Variants in PGM3 observed in about 807,000 individuals in gnomAD.
PGM3 encodes the protein phosphoglucomutase 3.
Under a neutral mutation model 66.2 loss-of-function variants are expected in PGM3, and 40 were observed. That is an observed-to-expected ratio of 0.60 (90% CI 0.47 to 0.79). The LOEUF is 0.79. PGM3 is among the 30% of genes least tolerant of loss of function. The pLI is 0.00. For missense variants in PGM3, 537 were observed against 643.4 expected, an observed-to-expected ratio of 0.83 and a Z score of 1.79; for synonymous variants, 191 against 224.2, an observed-to-expected ratio of 0.85 and a Z score of 1.32.
At chr6:83,186,488 T>C (rs1001466105) in intron 4 of PGM3, among the ~76,000 whole-genome samples, 4 of 152,162 alleles carry the variant, frequency 2.6e-5, no homozygotes, top group Non-Finnish European at 5.9e-5. Context: ...CCTCAAAACA[T>C]GGTGGAGGCA....
intron 5 of PGM3, 146 bp downstream of exon 5, chr6:83,182,699 T>C (rs949703722): frequency 5.7e-6 from 4 of 701,152 alleles, no homozygotes; most frequent in Non-Finnish European, 7.2e-6. Flanking sequence ...CAGAACCTTG[T>C]GTAGCCCTAG....
downstream of PGM3, among the ~76,000 whole-genome samples, chr6:83,158,880 GC>G (rs1411211769): frequency 1.3e-5 from 2 of 152,170 alleles, no homozygotes; most frequent in African/African-American, 4.8e-5. Context: ...AGCTACATGA[GC>G]TAGGCTGGTT....
downstream of PGM3, among the ~76,000 whole-genome samples, chr6:83,157,494 A>C (rs191436844): frequency 3.9e-5 from 6 of 152,326 alleles, no homozygotes; most frequent in East Asian, 1.2e-3. Context: ...ATTTCCATAC[A>C]GCTTAAATTT....
chr6:83,183,557 G>A (rs1161322675), intron 4 of PGM3, among the ~76,000 whole-genome samples: 8 of 152,222 alleles, frequency 5.3e-5, no homozygotes, highest in Admixed American at 4.6e-4. Context: ...TTCAGTCCGA[G>A]GATGAGTCAG....
chr6:83,168,041 C>T lies in PGM3; in HGVS notation c.*1193G>A, dbSNP rs758448523. The T allele has an allele frequency of 1.9e-6, 3 of 1,614,078 alleles. No homozygotes were observed. The highest frequency in any genetic ancestry group is 2.7e-5 in the African/African-American group (2 of 74,930). On this transcript the variant is annotated 3_prime_UTR_variant, in exon 13 of 13. Transcript: ENST00000513973. ...GAGGACACTCAGGGAGTCCTATCCT[C>T]TACTCAAATGCCTTCCCTAATAAGG...
intron 11 of PGM3, chr6:83,170,962 C>T (rs1786966900): frequency 6.5e-6 from 1 of 154,562 alleles, no homozygotes; most frequent in African/African-American, 2.4e-5. Context: ...TGAATTCTCT[C>T]CCTCAGGAAG....
intron 7 of PGM3, among the ~76,000 whole-genome samples, chr6:83,179,415 T>C (rs1216440985): frequency 3.9e-5 from 6 of 152,218 alleles, no homozygotes; most frequent in Admixed American, 3.9e-4. Context: ...GAGATTTATT[T>C]CTAAAATAGC....
chr6:83,176,313 G>T (rs537244626), intron 8 of PGM3, among the ~76,000 whole-genome samples: 3 of 152,192 alleles, frequency 2.0e-5, no homozygotes, highest in Admixed American at 6.5e-5. Context: ...GATTACAAGT[G>T]GGGGCGTGAC....
Position 83,166,021 on chromosome 6 carries a change from C to T in PGM3, c.*3213G>A, listed in dbSNP as rs1785429827. ...GCTTTGGAGCTTCTTTCAGTCCAGC[C>T]ACTGAGCTGGTCATCGCCAGTTGTC... On this transcript the variant is annotated 3_prime_UTR_variant, in exon 13 of 13. Transcript: ENST00000513973. 3.4e-6 allele frequency: 1 copy of T among 293,796 alleles called. No individual in the cohort carries two copies. The highest frequency in any genetic ancestry group is 4.2e-5 in the Admixed American group (1 of 23,638). 18.2% of individuals were successfully genotyped at this position (293,796 alleles called of 1,614,324 possible). A position where few individuals can be genotyped will look rare whatever the true frequency, so the allele number is the denominator to read the frequency against.
chr6:83,152,123 C>T, the PGM3 span: 1 of 1,413,526 alleles, frequency 7.1e-7, no homozygotes, highest in South Asian at 1.3e-5. Context: ...ACAAATTTAT[C>T]CCTTTTCTCA....
intron 3 of PGM3, among the ~76,000 whole-genome samples, chr6:83,187,542 A>T (rs1285687341): frequency 1.3e-5 from 2 of 152,244 alleles, no homozygotes. Flanking sequence ...GGCCAGGCAC[A>T]GTGGCTCACA....
At chr6:83,176,706 G>GA (rs1389211001) in intron 8 of PGM3, among the ~76,000 whole-genome samples, 1 of 152,162 alleles carries the variant, frequency 6.6e-6, no homozygotes, top group Admixed American at 6.5e-5. Context: ...ATTGATAGTA[G>GA]AAAAACTGCA....
chr6:83,188,476 G>C, intron 3 of PGM3, 138 bp downstream of exon 3: 1 of 655,156 alleles, frequency 1.5e-6, no homozygotes, highest in South Asian at 2.0e-5. Flanking sequence ...CATCCTACTA[G>C]AAAGGCCAGG....
chr6:83,149,126 G>A, the PGM3 span, among the ~76,000 whole-genome samples: 1 of 152,120 alleles, frequency 6.6e-6, no homozygotes, highest in South Asian at 2.1e-4. Flanking sequence ...AGCTGTTTCC[G>A]TGGTGGTGGA....
chr6:83,177,938 T>C (rs1451924481), intron 8 of PGM3, among the ~76,000 whole-genome samples: 1 of 152,146 alleles, frequency 6.6e-6, no homozygotes, highest in Non-Finnish European at 1.5e-5. Flanking sequence ...CCACACACCC[T>C]GCTCCTTGGC....
chr6:83,178,231 C>T (rs1187556117), intron 8 of PGM3, among the ~76,000 whole-genome samples: 1 of 152,178 alleles, frequency 6.6e-6, no homozygotes, highest in Non-Finnish European at 1.5e-5. Flanking sequence ...AGTAATAAAA[C>T]TTTTCATACC....
In PGM3 at chr6:83,164,881, G is replaced by A. The variant is rs1785090118; in HGVS notation, c.*4353C>T. On this transcript the variant is annotated 3_prime_UTR_variant, in exon 13 of 13. Coordinates refer to ENST00000513973, the MANE Select transcript of PGM3 (RefSeq NM_015599.3). ...AGTCAAAGGAGAAATCATTTGTATG[G>A]AAACATTTGACTTTATTTAATATTG... 2 of 592,614 alleles carry A rather than the reference G, an allele frequency of 3.4e-6. No homozygotes were observed. The highest frequency in any genetic ancestry group is 3.8e-5 in the African/African-American group (2 of 52,664). 36.7% of individuals were successfully genotyped at this position (592,614 alleles called of 1,614,324 possible).
Position 83,191,223 on chromosome 6 carries a change from G to T in PGM3, c.-2-209C>A, listed in dbSNP as rs1438440008. 1 of 1,535,132 alleles carries T rather than the reference G, an allele frequency of 6.5e-7. No homozygotes were observed. The highest frequency in any genetic ancestry group is 1.4e-5 in the African/African-American group (1 of 72,956). ...TGTCCAACTTGGTATGTCCACTCCT[G>T]GGCAGACTCAGGGCAGATAGCAGAT... is the stretch of plus-strand genomic sequence containing the variant. On this transcript the variant is annotated intron_variant, in intron 1 of 12. Coordinates refer to ENST00000513973, the MANE Select transcript of PGM3 (RefSeq NM_015599.3).
the PGM3 span, chr6:83,151,819 A>G: frequency 4.6e-6 from 7 of 1,506,266 alleles, no homozygotes; most frequent in Middle Eastern, 3.5e-4. Flanking sequence ...AATATAAACT[A>G]CAGAAGTTCA....
Sources: gnomAD v4.1 joint callset for allele counts (sites outside exome capture counted in the v4.1 genomes callset) on GRCh38, gnomAD v4.1.1 for gene constraint, MANE v1.5 for transcripts, NCBI Gene and HGNC (gene_info 2026-07-23, HGNC 2026-07-21) for gene names.